NEDD4L: variants seen among roughly 807,000 people sequenced by gnomAD.
NEDD4L encodes NEDD4 like E3 ubiquitin protein ligase.
In NEDD4L, 54 loss-of-function variants were observed where a neutral mutation model predicts 148.9. That is an observed-to-expected ratio of 0.36 (90% confidence interval 0.29 to 0.45). The LOEUF (loss-of-function observed/expected upper bound fraction) is 0.45. Among genes scored for constraint, NEDD4L ranks in the 20% least tolerant of loss-of-function variants. The pLI, the probability that NEDD4L is intolerant of heterozygous loss-of-function variation, is 1.00. For synonymous variants in NEDD4L, 433 were observed against 440.7 expected (o/e 0.98, Z 0.22); for missense variants, 856 against 1,233.8 (o/e 0.69, Z 4.59).
chr18:58,351,199 G>A (rs1048310651), intron 18 of NEDD4L, 154 bp downstream of exon 18: 12 of 984,830 alleles, frequency 1.2e-5, no homozygotes, highest in African/African-American at 5.2e-5. Flanking sequence ...GCCTTCATAC[G>A]GTACTGTGCA....
intron 5 of NEDD4L, among the ~76,000 whole-genome samples, chr18:58,315,343 G>A (rs543640488): frequency 3.9e-5 from 6 of 152,176 alleles, no homozygotes; most frequent in African/African-American, 1.4e-4. Context: ...TTTCACCTGG[G>A]CCTCTTTGAA....
At chr18:58,351,195 A>C in intron 18 of NEDD4L, 150 bp downstream of exon 18, 1 of 1,480,004 alleles carries the variant, frequency 6.8e-7, no homozygotes, top group Non-Finnish European at 9.0e-7. Flanking sequence ...CAGTGCCTTC[A>C]TACGGTACTG....
chr18:58,182,413 A>C (rs2038960970), intron 2 of NEDD4L, among the ~76,000 whole-genome samples: 1 of 152,068 alleles, frequency 6.6e-6, no homozygotes, highest in African/African-American at 2.4e-5. Flanking sequence ...TGTTAAAATA[A>C]AGTTTATTTT....
chr18:58,104,247 G>A (rs776856844), intron 1 of NEDD4L, among the ~76,000 whole-genome samples: 2 of 152,178 alleles, frequency 1.3e-5, no homozygotes, highest in Admixed American at 1.3e-4. Context: ...TTATATGAAC[G>A]ATCTTGGTAA....
Position 58,075,462 on chromosome 18 carries a change from C to T in NEDD4L, c.48+30754C>T, listed in dbSNP as rs186866953. ...CACCGCATCCAGCCTTAGTTTGTTT[C>T]TGAGATAGAGTTTTGCTCGTTTCAT... is the stretch of plus-strand genomic sequence containing the variant. On this transcript the variant is annotated intron_variant, in intron 1 of 30. Coordinates refer to ENST00000400345, the MANE Select transcript of NEDD4L (RefSeq NM_001144967.3). 3.3e-3 allele frequency among the ~76,000 whole-genome samples: 500 copies of T among 152,196 alleles called. 2 individuals are homozygous for T. The highest frequency in any genetic ancestry group is 5.1e-3 in the Non-Finnish European group (347 of 68,012).
Position 58,366,011 on chromosome 18 carries a change from A to G in NEDD4L, c.1846A>G (p.Asn616Asp). The G allele has an allele frequency of 6.2e-7, 1 of 1,608,972 alleles. No individual in the cohort carries two copies. The highest frequency in any genetic ancestry group is 8.5e-7 in the Non-Finnish European group (1 of 1,176,998). The change falls in exon 21 of 31, where the codon AAT becomes GAT. Residue 616 changes from asparagine (N) to aspartate (D), a missense_variant. Coordinates refer to ENST00000400345, the MANE Select transcript of NEDD4L (RefSeq NM_001144967.3). The surrounding 1 kb of genome is among the most constrained non-coding windows in gnomAD (Gnocchi z 4.2). The stretch of plus-strand genomic sequence containing the variant: ...GTCTTTTGTGTAGGCTGATATCCCC[A>G]ATAGGTTTGAAATGAAACTTCACAG... ...KKLKKPADIP[N>D]RFEMKLHRNN...
At chr18:58,343,567 C>T (rs2042697288) in intron 16 of NEDD4L, among the ~76,000 whole-genome samples, 2 of 152,258 alleles carry the variant, frequency 1.3e-5, no homozygotes, top group South Asian at 4.2e-4. Flanking sequence ...ATTCACACAT[C>T]TGAGGTACAT....
chr18:58,296,478 G>A (rs1437437549), intron 5 of NEDD4L, among the ~76,000 whole-genome samples: 4 of 152,190 alleles, frequency 2.6e-5, no homozygotes, highest in Admixed American at 6.5e-5. Flanking sequence ...CAGGATGTCC[G>A]CAGGGCTGCG....
At chr18:58,267,477 A>T (rs1195840047) in intron 5 of NEDD4L, among the ~76,000 whole-genome samples, 2 of 152,040 alleles carry the variant, frequency 1.3e-5, no homozygotes, top group East Asian at 3.9e-4. Context: ...GGGAGCTGAG[A>T]GGCCTTTGCA....
intron 1 of NEDD4L, among the ~76,000 whole-genome samples, chr18:58,124,528 T>C (rs112522004): frequency 2.0e-4 from 31 of 152,218 alleles, no homozygotes; most frequent in African/African-American, 6.8e-4. Context: ...AATCTCACCT[T>C]GAGGCTGCCA....
intron 1 of NEDD4L, among the ~76,000 whole-genome samples, chr18:58,144,357 A>G (rs891484134): frequency 2.0e-5 from 3 of 152,038 alleles, no homozygotes; most frequent in African/African-American, 7.3e-5. Context: ...CCAGAGCAGG[A>G]GCAAGGGGTT....
rs775681701 is a variant in NEDD4L at position 58,391,493 on chromosome 18, A to G, written c.2759A>G (p.Asn920Ser). 1.2e-5 allele frequency: 19 copies of G among 1,578,156 alleles called. No homozygotes were observed. The highest frequency in any genetic ancestry group is 1.4e-5 in the Non-Finnish European group (16 of 1,160,594). Reference sequence around the variant, plus strand: ...TTTTTCTTTTCTTGTCTAGGTTCCAATGGTCCTCAGCTGTTTACAATAGAG... The same window carrying G: ...TTTTTCTTTTCTTGTCTAGGTTCCAGTGGTCCTCAGCTGTTTACAATAGAG... ...MNGFAELYGS[N>S]GPQLFTIEQW... Residue 920 changes from asparagine to serine, a missense_variant, in exon 30 of 31, where the codon AAT (asparagine) becomes AGT (serine). Asn to Ser is a conservative substitution (Grantham distance 46). Transcript: ENST00000400345.
intron 24 of NEDD4L, among the ~76,000 whole-genome samples, chr18:58,382,409 A>G (rs965681505): frequency 6.6e-6 from 1 of 152,236 alleles, no homozygotes; most frequent in Non-Finnish European, 1.5e-5. Flanking sequence ...CAGCAGGCAG[A>G]GGAAAAAAGA....
At chr18:58,154,660 G>A (rs753977815) in intron 1 of NEDD4L, among the ~76,000 whole-genome samples, 2 of 152,256 alleles carry the variant, frequency 1.3e-5, no homozygotes, top group African/African-American at 2.4e-5. Flanking sequence ...GATGGCAGGC[G>A]CCTGTAATCC....
chr18:58,209,724 T>A (rs984396556), intron 2 of NEDD4L, among the ~76,000 whole-genome samples: 1 of 151,326 alleles, frequency 6.6e-6, no homozygotes, highest in Non-Finnish European at 1.5e-5. Context: ...AACAAAAAAA[T>A]ATAAAAACTA....
chr18:58,276,696 ATTATTATT>A (rs2052098394), intron 5 of NEDD4L, among the ~76,000 whole-genome samples: 1 of 86,200 alleles, frequency 1.2e-5, no homozygotes, highest in Non-Finnish European at 2.2e-5. Context: ...TAATAATAAT[ATTATTATT>A]ATTATTATTA....
Position 58,144,962 on chromosome 18 carries a change from G to A in NEDD4L, c.49-20826G>A, listed in dbSNP as rs138131255. On this transcript the variant is annotated intron_variant, in intron 1 of 30. Transcript: ENST00000400345. Reference sequence around the variant, plus strand: ...GAGGAGTTGCTCCACAGGTGTGGAGGATGAAAGAACAAGTTGGGGCGACCC... The same window carrying A: ...GAGGAGTTGCTCCACAGGTGTGGAGAATGAAAGAACAAGTTGGGGCGACCC... Among the ~76,000 whole-genome samples the A allele has an allele frequency of 4.5e-3, 685 of 152,314 alleles. 7 individuals carry two copies. Among genetic ancestry groups the A allele is most frequent in the African/African-American group, 0.016 (655 of 41,570 alleles).
chr18:58,098,191 A>G (rs1458852959), intron 1 of NEDD4L, among the ~76,000 whole-genome samples: 1 of 152,116 alleles, frequency 6.6e-6, no homozygotes, highest in Non-Finnish European at 1.5e-5. Context: ...TCAGCTGAGC[A>G]GAGGAGACTT....
At chr18:58,280,696 G>A (rs1187177589) in intron 5 of NEDD4L, among the ~76,000 whole-genome samples, 1 of 152,056 alleles carries the variant, frequency 6.6e-6, no homozygotes, top group Non-Finnish European at 1.5e-5. Context: ...AGTGAGGGCT[G>A]AATCTGAGAA....
Sources: gnomAD v4.1 joint callset for allele counts (sites outside exome capture counted in the v4.1 genomes callset) on GRCh38, gnomAD v4.1.1 for gene constraint, Gnocchi (gnomAD v3.1) non-coding constraint, MANE v1.5 for transcripts, NCBI Gene and HGNC (gene_info 2026-07-23, HGNC 2026-07-21) for gene names.